FGF6: variants seen among roughly 807,000 people sequenced by gnomAD.
The protein encoded by FGF6 is fibroblast growth factor 6.
A neutral mutation model predicts 18.4 loss-of-function variants in FGF6; 14 were observed. The observed-to-expected ratio is 0.76, with a 90% confidence interval of 0.50 to 1.19. The LOEUF (loss-of-function observed/expected upper bound fraction) is 1.19. FGF6 is among the 50% of genes most tolerant of loss of function. FGF6 has a pLI of 0.00. For synonymous variants in FGF6, 125 were observed against 116.7 expected (o/e 1.07, Z -0.46); for missense variants, 266 against 271.6 (o/e 0.98, Z 0.15).
chr12:4,441,086 C>G (rs1049410582), intron 2 of FGF6, among the ~76,000 whole-genome samples: 1 of 152,176 alleles, frequency 6.6e-6, no homozygotes, highest in Admixed American at 6.5e-5. Context: ...GACCGAATTG[C>G]TGGTATCTTT....
At chr12:4,443,985 A>G (rs768031118) in intron 2 of FGF6, 148 bp downstream of exon 2, 7 of 593,190 alleles carry the variant, frequency 1.2e-5, no homozygotes, top group Non-Finnish European at 2.1e-5. Context: ...ACAAGCTGCA[A>G]GGCCCCTCCC....
At chr12:4,436,922 C>A (rs1007144209) in intron 2 of FGF6, among the ~76,000 whole-genome samples, 1 of 152,108 alleles carries the variant, frequency 6.6e-6, no homozygotes, top group African/African-American at 2.4e-5. Context: ...CGTTAGGATG[C>A]TCAGTGAATA....
intron 2 of FGF6, among the ~76,000 whole-genome samples, chr12:4,435,950 G>A (rs749452555): frequency 7.2e-5 from 11 of 152,030 alleles, no homozygotes; most frequent in African/African-American, 1.7e-4. Context: ...CCAGAGACCC[G>A]GGATCTACTC....
In FGF6 at chr12:4,445,031, G is replaced by A. The variant is rs1404630950; in HGVS notation, c.346+194C>T. ...AGGATCTAACCAAGGCGATGGCAAA[G>A]AACACCAGGATGCTTGGACCGCAGT... On this transcript the variant is annotated intron_variant, in intron 1 of 2. Transcript: ENST00000228837. This position sits in a 1 kb window ranked among gnomAD's most constrained non-coding sequence, Gnocchi z 5.5. Among the ~76,000 whole-genome samples the A allele has an allele frequency of 6.6e-6, 1 of 152,192 alleles. No individual in the cohort carries two copies. Among genetic ancestry groups the A allele is most frequent in the African/African-American group, 2.4e-5 (1 of 41,442 alleles).
intron 2 of FGF6, among the ~76,000 whole-genome samples, chr12:4,434,880 C>A (rs1045326638): frequency 6.6e-6 from 1 of 152,138 alleles, no homozygotes; most frequent in Non-Finnish European, 1.5e-5. Context: ...TGACCTTGGG[C>A]AGGTTCCTCC....
Position 4,445,492 on chromosome 12 carries a change from A to T in FGF6, c.79T>A (p.Phe27Ile). 1 of 1,613,178 alleles carries T rather than the reference A, an allele frequency of 6.2e-7. No homozygotes were observed. ...ACCATGCCCACTAGGATGCCTAGGA[A>T]GACGAGAGCCCACAGCGTGCCCTGC... ...RLQGTLWALV[F>I]LGILVGMVVP... is the part of the protein sequence containing the mutation. The change falls in exon 1 of 3, where the codon TTC (phenylalanine) becomes ATC (isoleucine). Residue 27 changes from phenylalanine to isoleucine, a missense_variant. Physicochemically the swap from Phe to Ile is conservative, Grantham distance 21. Transcript: ENST00000228837. This position sits in a 1 kb window ranked among gnomAD's most constrained non-coding sequence, Gnocchi z 5.5.
chr12:4,434,171 G>A lies in FGF6; in HGVS notation c.*44C>T, dbSNP rs781712867. The stretch of plus-strand genomic sequence containing the variant: ...TCTTCGCTGGTGCAAAATTTCAATC[G>A]AACAGATGATGCTTTAAATCTGTGA... On this transcript the variant is annotated 3_prime_UTR_variant, in exon 3 of 3. Coordinates refer to ENST00000228837, the MANE Select transcript of FGF6 (RefSeq NM_020996.3). 15 of 1,595,134 alleles carry A rather than the reference G, an allele frequency of 9.4e-6. No individual in the cohort carries two copies. Among genetic ancestry groups the A allele is most frequent in the Non-Finnish European group, 1.3e-5 (15 of 1,164,936 alleles).
chr12:4,438,739 G>A (rs372617882), intron 2 of FGF6, among the ~76,000 whole-genome samples: 4 of 108,646 alleles, frequency 3.7e-5, no homozygotes, highest in Non-Finnish European at 3.4e-5. Flanking sequence ...GTGACAGAGC[G>A]AGACTCTATC....
At chr12:4,434,534 C>T in intron 2 of FGF6, 143 bp from the exon 3 acceptor site, 1 of 724,206 alleles carries the variant, frequency 1.4e-6, no homozygotes, top group Non-Finnish European at 2.4e-6. Context: ...GTCTGAGCAT[C>T]CTGGGTGAAC....
chr12:4,445,356 A>G lies in FGF6; in HGVS notation c.215T>C (p.Val72Ala). The G allele has an allele frequency of 1.2e-6, 2 of 1,613,660 alleles. No homozygotes were observed. Among genetic ancestry groups the G allele is most frequent in the Admixed American group, 1.7e-5 (1 of 59,990 alleles). The change falls in exon 1 of 3, where the codon GTG becomes GCG. Residue 72 changes from valine to alanine, a missense_variant. By Grantham distance (64) the Val-to-Ala change is moderately conservative. Transcript: ENST00000228837. This position sits in a 1 kb window ranked among gnomAD's most constrained non-coding sequence, Gnocchi z 5.5. Reference protein sequence around the residue: ...RAGLAGEIAGVNWESGYLVGI... With the variant: ...RAGLAGEIAGANWESGYLVGI... Reference sequence around the variant, plus strand: ...CACCAAATAGCCACTTTCCCAGTTCACCCCGGCAATCTCTCCAGCTAGCCC... The same window carrying G: ...CACCAAATAGCCACTTTCCCAGTTCGCCCCGGCAATCTCTCCAGCTAGCCC...
At chr12:4,434,647 G>T (rs899185480) in intron 2 of FGF6, among the ~76,000 whole-genome samples, 3 of 152,152 alleles carry the variant, frequency 2.0e-5, no homozygotes, top group African/African-American at 7.2e-5. Flanking sequence ...GGACACAGGG[G>T]ATGGTCTGTG....
At chr12:4,439,064 A>T (rs1188924089) in intron 2 of FGF6, among the ~76,000 whole-genome samples, 2 of 152,250 alleles carry the variant, frequency 1.3e-5, no homozygotes, top group Non-Finnish European at 2.9e-5. Flanking sequence ...AGTGGCTTCA[A>T]GACAATGGTG....
At chr12:4,434,712 G>T (rs554114283) in intron 2 of FGF6, among the ~76,000 whole-genome samples, 29 of 152,290 alleles carry the variant, frequency 1.9e-4, no homozygotes, top group African/African-American at 7.0e-4. Flanking sequence ...TTCCAGAGTA[G>T]TTTCTACTAA....
chr12:4,436,298 T>A (rs1311375131), intron 2 of FGF6, among the ~76,000 whole-genome samples: 2 of 152,068 alleles, frequency 1.3e-5, no homozygotes, highest in Non-Finnish European at 2.9e-5. Flanking sequence ...TCTTGCTTGG[T>A]ACATGATGCT....
rs113373093 is a variant in FGF6 at position 4,445,551 on chromosome 12, A to G, written c.20T>C (p.Leu7Pro). 1 of 1,599,598 alleles carries G rather than the reference A, an allele frequency of 6.3e-7. No individual in the cohort carries two copies. The highest frequency in any genetic ancestry group is 8.5e-7 in the Non-Finnish European group (1 of 1,172,180). The change falls in exon 1 of 3, where the codon CTG becomes CCG. Residue 7 changes from leucine (L) to proline (P), a missense_variant. Coordinates refer to ENST00000228837, the MANE Select transcript of FGF6 (RefSeq NM_020996.3). The surrounding 1 kb of genome is among the most constrained non-coding windows in gnomAD (Gnocchi z 5.5). Reference protein sequence around the residue: MALGQKLFITMSRGAGR... With the variant: MALGQKPFITMSRGAGR... ...TGCTCCCCGGGACATAGTGATGAAC[A>G]GTTTCTGTCCCAGGGCCATCCACCT...
chr12:4,434,397 G>A lies in FGF6; in HGVS notation c.451-6C>T, dbSNP rs550475266. 3 of 1,614,098 alleles carry A rather than the reference G, an allele frequency of 1.9e-6. No individual in the cohort carries two copies. In the African/African-American group the frequency reaches 4.0e-5, roughly 22 times the overall value. On this transcript the variant is annotated splice_polypyrimidine_tract_variant and splice_region_variant and intron_variant, in intron 2 of 2. Transcript: ENST00000228837. The stretch of plus-strand genomic sequence containing the variant: ...CATTCTTCTTGGAAGCTGGGCTGTG[G>A]AAGACATGGGCAAACAGCAGAGACT...
At chr12:4,439,433 G>T (rs960602534) in intron 2 of FGF6, among the ~76,000 whole-genome samples, 3 of 152,178 alleles carry the variant, frequency 2.0e-5, no homozygotes, top group African/African-American at 4.8e-5. Flanking sequence ...GGTGGAGGAA[G>T]GGGAAGTGGG....
At chr12:4,443,156 C>T (rs1162402978) in intron 2 of FGF6, among the ~76,000 whole-genome samples, 1 of 152,130 alleles carries the variant, frequency 6.6e-6, no homozygotes, top group Admixed American at 6.5e-5. Context: ...CTGGTGAACC[C>T]GTTCTTGTAT....
chr12:4,439,320 C>A (rs1364313011), intron 2 of FGF6, among the ~76,000 whole-genome samples: 1 of 152,132 alleles, frequency 6.6e-6, no homozygotes. Flanking sequence ...TGGAGAGTAA[C>A]CCGCCCAGTC....
Sources: allele counts gnomAD v4.1 joint callset (sites outside exome capture counted in the v4.1 genomes callset), GRCh38; gene constraint gnomAD v4.1.1; non-coding constraint Gnocchi (gnomAD v3.1); transcripts MANE v1.5; gene names NCBI Gene and HGNC (gene_info 2026-07-23, HGNC 2026-07-21).